Variants in SORCS3 observed in about 807,000 individuals in gnomAD.
SORCS3 encodes sortilin related VPS10 domain containing receptor 3, also known as VPS10 domain-containing receptor SorCS3.
Under a neutral mutation model 146.3 loss-of-function variants are expected in SORCS3, and 57 were observed. The ratio of observed to expected loss-of-function variants is 0.39; its 90% confidence interval spans 0.31 to 0.49. SORCS3 has a LOEUF of 0.49. SORCS3 is among the 20% of genes least tolerant of loss of function. SORCS3 has a pLI of 0.92. For synonymous variants in SORCS3, 653 were observed against 618.5 expected (o/e 1.06, Z -0.83); for missense variants, 1,341 against 1,575.5 (o/e 0.85, Z 2.52).
chr10:104,743,900 G>C (rs1302289468), intron 1 of SORCS3, among the ~76,000 whole-genome samples: 4 of 152,154 alleles, frequency 2.6e-5, no homozygotes, highest in Non-Finnish European at 5.9e-5. Context: ...CAATAAAAAG[G>C]CTTCAGAATG....
intron 1 of SORCS3, among the ~76,000 whole-genome samples, chr10:104,838,446 T>C (rs1464676129): frequency 1.1e-4 from 17 of 151,892 alleles, no homozygotes; most frequent in Admixed American, 1.1e-3. Context: ...TTGCTCTTGG[T>C]TTTGTTTGCT....
At chr10:104,813,033 A>C (rs2017757059) in intron 1 of SORCS3, among the ~76,000 whole-genome samples, 1 of 152,218 alleles carries the variant, frequency 6.6e-6, no homozygotes, top group Admixed American at 6.5e-5. Context: ...ATCTTAGGAT[A>C]GTTTTCTTAC....
intron 14 of SORCS3, among the ~76,000 whole-genome samples, chr10:105,199,410 G>A (rs1176704629): frequency 6.6e-6 from 1 of 152,134 alleles, no homozygotes; most frequent in African/African-American, 2.4e-5. Flanking sequence ...TTTAAGGAAG[G>A]AGGAGGGAGG....
intron 3 of SORCS3, among the ~76,000 whole-genome samples, chr10:104,942,626 G>T (rs1168820357): frequency 2.6e-5 from 4 of 152,156 alleles, no homozygotes; most frequent in African/African-American, 4.8e-5. Flanking sequence ...GGAATGCAAG[G>T]TCACTTTAAC....
At chr10:104,991,713 C>A (rs1589582844) in intron 4 of SORCS3, among the ~76,000 whole-genome samples, 1 of 152,070 alleles carries the variant, frequency 6.6e-6, no homozygotes, top group Non-Finnish European at 1.5e-5. Flanking sequence ...ATTGGCCAGG[C>A]TGGTCTCGAA....
intron 14 of SORCS3, among the ~76,000 whole-genome samples, chr10:105,191,349 A>T (rs1341243072): frequency 1.3e-5 from 2 of 152,206 alleles, no homozygotes; most frequent in Non-Finnish European, 2.9e-5. Context: ...CATAATAGAA[A>T]GGTAGTATTT....
chr10:105,178,924 T>C (rs1448477849), intron 14 of SORCS3, among the ~76,000 whole-genome samples: 1 of 152,218 alleles, frequency 6.6e-6, no homozygotes, highest in Non-Finnish European at 1.5e-5. Context: ...GCTCACAGCG[T>C]GCATCTGTGC....
chr10:104,684,513 A>G (rs903676504), intron 1 of SORCS3, among the ~76,000 whole-genome samples: 4 of 152,184 alleles, frequency 2.6e-5, no homozygotes, highest in African/African-American at 9.7e-5. Context: ...GATGTAGGTA[A>G]GGCTGACTCC....
chr10:104,775,347 A>C (rs1797339170), intron 1 of SORCS3, among the ~76,000 whole-genome samples: 1 of 152,220 alleles, frequency 6.6e-6, no homozygotes, highest in African/African-American at 2.4e-5. Flanking sequence ...GTGCTCAGTA[A>C]GTGTTATTTC....
At chr10:104,661,226 C>T (rs138522983) in intron 1 of SORCS3, among the ~76,000 whole-genome samples, 28 of 152,272 alleles carry the variant, frequency 1.8e-4, no homozygotes, top group African/African-American at 5.8e-4. Flanking sequence ...ATTTTCTCTT[C>T]TTTCTTCCCA....
intron 4 of SORCS3, among the ~76,000 whole-genome samples, chr10:104,977,792 C>T (rs950532026): frequency 9.3e-5 from 13 of 140,120 alleles, no homozygotes; most frequent in African/African-American, 2.4e-4. Context: ...AGTGCAGTGG[C>T]GCGATCTTGG....
chr10:105,153,081 A>AC (rs2056178982), intron 9 of SORCS3, among the ~76,000 whole-genome samples: 1 of 152,148 alleles, frequency 6.6e-6, no homozygotes, highest in Non-Finnish European at 1.5e-5. Context: ...CAGTTCCATT[A>AC]CCCCAAATAT....
intron 3 of SORCS3, among the ~76,000 whole-genome samples, chr10:104,940,225 TA>T (rs2019300293): frequency 3.6e-4 from 6 of 16,714 alleles, no homozygotes; most frequent in Non-Finnish European, 5.9e-4. Context: ...TATATATATA[TA>T]TATATATATA....
At chr10:105,130,823 C>A (rs532613114) in intron 7 of SORCS3, among the ~76,000 whole-genome samples, 1 of 152,092 alleles carries the variant, frequency 6.6e-6, no homozygotes, top group Non-Finnish European at 1.5e-5. Context: ...TGAGCAAACA[C>A]CAGTTAGACA....
At chr10:104,761,455 T>C (rs566180794) in intron 1 of SORCS3, among the ~76,000 whole-genome samples, 2 of 152,230 alleles carry the variant, frequency 1.3e-5, no homozygotes, top group East Asian at 3.9e-4. Context: ...ACAGGAAGCA[T>C]GCAGAAATGG....
At chr10:104,971,173 G>A (rs2054858331) in intron 3 of SORCS3, among the ~76,000 whole-genome samples, 1 of 152,178 alleles carries the variant, frequency 6.6e-6, no homozygotes. Flanking sequence ...GCCATGGAAT[G>A]GTTTTAAGTG....
intron 1 of SORCS3, among the ~76,000 whole-genome samples, chr10:104,779,589 T>C (rs2133490688): frequency 6.6e-6 from 1 of 152,236 alleles, no homozygotes; most frequent in Admixed American, 6.5e-5. Flanking sequence ...AAGTATGCAG[T>C]TCATGCCTTG....
intron 1 of SORCS3, among the ~76,000 whole-genome samples, chr10:104,800,151 C>T (rs1196369184): frequency 6.6e-6 from 1 of 151,916 alleles, no homozygotes; most frequent in South Asian, 2.1e-4. Flanking sequence ...TTAAGAAATG[C>T]ACTATTAAGC....
At chr10:104,986,600 T>C (rs1366252423) in intron 4 of SORCS3, among the ~76,000 whole-genome samples, 1 of 152,184 alleles carries the variant, frequency 6.6e-6, no homozygotes, top group East Asian at 1.9e-4. Flanking sequence ...CATCCCTAGC[T>C]TTTGATTTAA....
Sources: gnomAD v4.1 joint callset for allele counts (sites outside exome capture counted in the v4.1 genomes callset) on GRCh38, gnomAD v4.1.1 for gene constraint, MANE v1.5 for transcripts, NCBI Gene and HGNC (gene_info 2026-07-23, HGNC 2026-07-21) for gene names.